The following UTS2 variants were observed in gnomAD, a reference collection of about 807,000 sequenced individuals.
The protein encoded by UTS2 is urotensin-2.
Under a neutral mutation model 12.6 loss-of-function variants are expected in UTS2, and 10 were observed. The observed-to-expected ratio is 0.80, with a 90% CI of 0.49 to 1.35. UTS2 has a LOEUF of 1.35. UTS2 is among the 40% of genes most tolerant of loss of function. The pLI is 0.00. For missense variants in UTS2, 142 were observed against 143.2 expected (o/e 0.99, Z 0.04); for synonymous variants, 52 against 50.0 (o/e 1.04, Z -0.17).
At chr1:7,862,976 ATTTATTGTGT>A in the UTS2 span, among the ~76,000 whole-genome samples, 3,161 of 131,312 alleles carry the variant, frequency 0.024, 175 homozygotes, top group Middle Eastern at 0.053. Flanking sequence ...GACGGCCGTT[ATTTATTGTGT>A]TGTGTTGTAT....
the UTS2 span, among the ~76,000 whole-genome samples, chr1:7,867,832 C>A: frequency 6.6e-6 from 1 of 152,194 alleles, no homozygotes; most frequent in African/African-American, 2.4e-5. Context: ...GGTGAGATGG[C>A]ACAATTGTCC....
chr1:7,861,746 G>A, the UTS2 span, among the ~76,000 whole-genome samples: 1 of 152,144 alleles, frequency 6.6e-6, no homozygotes, highest in Non-Finnish European at 1.5e-5. Flanking sequence ...GCGGAAACGA[G>A]CAGGTCCCCA....
the UTS2 span, among the ~76,000 whole-genome samples, chr1:7,901,624 G>C: frequency 0.013 from 1,651 of 131,454 alleles, 34 homozygotes; most frequent in African/African-American, 0.04. Context: ...GTGTGTGTGT[G>C]TGTGTGTATA....
At chr1:7,900,789 A>T in the UTS2 span, among the ~76,000 whole-genome samples, 2 of 152,076 alleles carry the variant, frequency 1.3e-5, no homozygotes, top group Non-Finnish European at 2.9e-5. Context: ...TCCAAAAAAA[A>T]AAAATTGTTT....
At chr1:7,866,933 C>T in the UTS2 span, among the ~76,000 whole-genome samples, 1 of 69,300 alleles carries the variant, frequency 1.4e-5, no homozygotes, top group African/African-American at 3.5e-5. The surrounding 1 kb of genome is among the most constrained non-coding windows in gnomAD (Gnocchi z 4.5). Flanking sequence ...ACAGTGGCGC[C>T]ACCTTGGCTC....
chr1:7,888,287 G>A, the UTS2 span, among the ~76,000 whole-genome samples: 1 of 152,072 alleles, frequency 6.6e-6, no homozygotes, highest in African/African-American at 2.4e-5. Context: ...CTGCTGAAAT[G>A]CAACAATTCC....
At chr1:7,855,807 T>A (rs557270099), upstream of UTS2, among the ~76,000 whole-genome samples, 10 of 151,914 alleles carry the variant, frequency 6.6e-5, no homozygotes, top group South Asian at 2.1e-3. Context: ...GCTCAAGCAA[T>A]TCTACCTTGG....
At chr1:7,887,384 G>A in the UTS2 span, among the ~76,000 whole-genome samples, 1 of 152,082 alleles carries the variant, frequency 6.6e-6, no homozygotes, top group South Asian at 2.1e-4. Context: ...TTTACAATCT[G>A]GAGGGCAATG....
the UTS2 span, among the ~76,000 whole-genome samples, chr1:7,860,285 GGA>G: frequency 3.9e-5 from 6 of 152,136 alleles, no homozygotes; most frequent in African/African-American, 1.4e-4. Flanking sequence ...CAGGAAACGT[GGA>G]GAGAGCCTCA....
the UTS2 span, among the ~76,000 whole-genome samples, chr1:7,905,489 C>A: frequency 6.7e-6 from 1 of 149,444 alleles, no homozygotes; most frequent in Non-Finnish European, 1.5e-5. Flanking sequence ...GCGGTTTTTG[C>A]CATTAAAACT....
Position 7,850,902 on chromosome 1 carries a change from AGC to A in UTS2, c.122_123del (p.Arg41LeufsTer38). The A allele has an allele frequency of 6.2e-7, 1 of 1,614,146 alleles. No individual in the cohort carries two copies. The highest frequency in any genetic ancestry group is 8.5e-7 in the Non-Finnish European group (1 of 1,180,024). On this transcript the variant is annotated frameshift_variant, in exon 2 of 4. Coordinates refer to ENST00000361696, the MANE Select transcript of UTS2 (RefSeq NM_006786.4). LOFTEE classifies it high-confidence loss of function. ...FQLSAPHEDARLTPEELERAS... is the reference protein window; with the variant it reads ...FQLSAPHEDAXLTPEELERAS... ...GCTCTTTCTAGCTCCTCCGGAGTTA[AGC>A]GCGCGTCTTCATGAGGTGCTACAGA...
At chr1:7,876,211 C>T in the UTS2 span, among the ~76,000 whole-genome samples, 7 of 152,228 alleles carry the variant, frequency 4.6e-5, no homozygotes, top group Admixed American at 2.6e-4. Flanking sequence ...TGTCTGGGCC[C>T]GGGGGATCAA....
the UTS2 span, among the ~76,000 whole-genome samples, chr1:7,868,624 G>A: frequency 6.6e-6 from 1 of 152,268 alleles, no homozygotes; most frequent in Non-Finnish European, 1.5e-5. Flanking sequence ...GTCGCCCTGT[G>A]TGGCAGTGAG....
At position 7,850,119 on chromosome 1, in the gene UTS2, G is replaced by A. The variant is rs530739871; in HGVS notation, c.215-436C>T. Among the ~76,000 whole-genome samples the A allele has an allele frequency of 7.3e-4, 111 of 151,968 alleles. 1 individual carries two copies. Among genetic ancestry groups the A allele is most frequent in the African/African-American group, 2.2e-3 (93 of 41,448 alleles). ...CTAGTAGCTGGGATTACAGGTGCCCGCCACCATGCCCGGCTGATATTTGTA... is the reference window on the plus strand; with the variant it reads ...CTAGTAGCTGGGATTACAGGTGCCCACCACCATGCCCGGCTGATATTTGTA... On this transcript the variant is annotated intron_variant, in intron 2 of 3. Coordinates refer to ENST00000361696, the MANE Select transcript of UTS2 (RefSeq NM_006786.4).
the UTS2 span, among the ~76,000 whole-genome samples, chr1:7,869,358 G>A: frequency 2.3e-4 from 35 of 152,344 alleles, no homozygotes; most frequent in African/African-American, 8.4e-4. Flanking sequence ...CACTGTGGAG[G>A]TGCCCAAGAG....
chr1:7,863,236 C>T, the UTS2 span, among the ~76,000 whole-genome samples: 2 of 151,546 alleles, frequency 1.3e-5, no homozygotes, highest in South Asian at 2.1e-4. Flanking sequence ...CTCAGCCTCC[C>T]GAGTAGCTGG....
intron 1 of UTS2, among the ~76,000 whole-genome samples, chr1:7,851,995 TTAAC>T (rs1289119949): frequency 6.6e-6 from 1 of 152,122 alleles, no homozygotes; most frequent in Non-Finnish European, 1.5e-5. Context: ...ATGCCAGTGT[TTAAC>T]TATTAGTAGG....
chr1:7,912,941 C>G, the UTS2 span, among the ~76,000 whole-genome samples: 1 of 151,980 alleles, frequency 6.6e-6, no homozygotes, highest in Non-Finnish European at 1.5e-5. Context: ...TCTCATTCCC[C>G]TGGTTCCCCA....
chr1:7,848,308 G>A (rs570902965), intron 3 of UTS2, among the ~76,000 whole-genome samples: 2 of 151,944 alleles, frequency 1.3e-5, no homozygotes, highest in East Asian at 1.9e-4. Flanking sequence ...GTGTGGTGGC[G>A]GGCTCCTGTA....
Sources: gnomAD v4.1 joint callset for allele counts (sites outside exome capture counted in the v4.1 genomes callset) on GRCh38, gnomAD v4.1.1 for gene constraint, Gnocchi (gnomAD v3.1) non-coding constraint, MANE v1.5 for transcripts, NCBI Gene and HGNC (gene_info 2026-07-23, HGNC 2026-07-21) for gene names.